The following FBXL2 variants were observed in gnomAD, a reference collection of about 807,000 sequenced individuals.
The protein encoded by FBXL2 is F-box and leucine rich repeat protein 2, also known as F-box/LRR-repeat protein 2.
In FBXL2, 38 loss-of-function variants were observed where a neutral mutation model predicts 69.2. That is an observed-to-expected ratio of 0.55 (90% CI 0.42 to 0.72). The LOEUF is 0.72. Among genes scored for constraint, FBXL2 ranks in the 30% least tolerant of loss-of-function variants. The probability of loss-of-function intolerance (pLI) is 0.00; values close to 1 mark genes in which losing one functional copy is unlikely to be tolerated. For synonymous variants in FBXL2, 192 were observed against 201.3 expected (o/e 0.95, Z 0.39); for missense variants, 354 against 520.3 (o/e 0.68, Z 3.11).
chr3:33,402,897 G>A (rs779017105), intron 12 of FBXL2: 12 of 1,608,064 alleles, frequency 7.5e-6, no homozygotes, highest in South Asian at 1.1e-5. Flanking sequence ...ATCGGGCCAC[G>A]GAGAACACTA....
the FBXL2 span, chr3:33,416,659 G>A: frequency 2.0e-5 from 18 of 914,722 alleles, no homozygotes; most frequent in Non-Finnish European, 3.3e-6. Context: ...TTAAAAAGTT[G>A]TAATACAACA....
At chr3:33,419,565 T>C in the FBXL2 span, among the ~76,000 whole-genome samples, 1 of 148,834 alleles carries the variant, frequency 6.7e-6, no homozygotes, top group Non-Finnish European at 1.5e-5. Context: ...GAGGCGGAGG[T>C]TGCGGTGAGC....
intron 2 of FBXL2, among the ~76,000 whole-genome samples, chr3:33,336,512 T>A (rs1361138352): frequency 6.6e-6 from 1 of 152,254 alleles, no homozygotes; most frequent in Non-Finnish European, 1.5e-5. Flanking sequence ...AATATCTTTA[T>A]AATCTCAGGG....
intron 2 of FBXL2, among the ~76,000 whole-genome samples, chr3:33,331,398 A>T (rs2039151200): frequency 6.6e-6 from 1 of 151,984 alleles, no homozygotes; most frequent in Non-Finnish European, 1.5e-5. Flanking sequence ...GAGAAAGGAG[A>T]TGAGGTCTTT....
At chr3:33,337,161 C>T (rs1489296944) in intron 2 of FBXL2, among the ~76,000 whole-genome samples, 5 of 152,018 alleles carry the variant, frequency 3.3e-5, no homozygotes, top group African/African-American at 9.7e-5. Context: ...GCCGAGATTG[C>T]GCCACTGCAC....
At chr3:33,338,292 A>G (rs1215434849) in intron 2 of FBXL2, among the ~76,000 whole-genome samples, 1 of 152,096 alleles carries the variant, frequency 6.6e-6, no homozygotes, top group Non-Finnish European at 1.5e-5. Context: ...GGCACCTGTA[A>G]TCTCAGCTAC....
intron 12 of FBXL2, among the ~76,000 whole-genome samples, chr3:33,395,703 CAT>C (rs1420968452): frequency 1.7e-5 from 2 of 116,778 alleles, no homozygotes; most frequent in Admixed American, 1.2e-4. Flanking sequence ...CACTGTTGCA[CAT>C]ATGTTATGCT....
chr3:33,308,010 GGTTT>G (rs1164203619), intron 2 of FBXL2, among the ~76,000 whole-genome samples: 2 of 152,006 alleles, frequency 1.3e-5, no homozygotes, highest in Middle Eastern at 3.4e-3. Flanking sequence ...ATCTTAGTAG[GGTTT>G]GTTTGTTTTT....
In FBXL2 at chr3:33,297,684, A is replaced by G. The variant is rs1251203504; in HGVS notation, c.24A>G (p.Glu8=). The change falls in exon 2 of 15, where the codon GAA becomes GAG. Residue 8 remains glutamate (E), a synonymous_variant. Coordinates refer to ENST00000484457, the MANE Select transcript of FBXL2 (RefSeq NM_012157.5). Reference sequence around the variant, plus strand: ...TCCAGGTTTTCTCAAACAATGATGAAGGCCTTATTAACAAAAAGTTACCCA... The same window carrying G: ...TCCAGGTTTTCTCAAACAATGATGAGGGCCTTATTAACAAAAAGTTACCCA... MVFSNND[E]GLINKKLPKE... is the part of the protein sequence containing the mutation. 2 of 1,576,046 alleles carry G rather than the reference A, an allele frequency of 1.3e-6. No individual in the cohort carries two copies. The highest frequency in any genetic ancestry group is 1.4e-5 in the African/African-American group (1 of 72,974).
intron 14 of FBXL2, 87 bp downstream of exon 14, chr3:33,384,288 C>T (rs931434892): frequency 6.3e-5 from 82 of 1,302,622 alleles, no homozygotes; most frequent in Non-Finnish European, 7.8e-5. Flanking sequence ...GCTAGGCACG[C>T]GGTGGCTCAC....
At chr3:33,290,724 A>G (rs1178696767) in intron 1 of FBXL2, among the ~76,000 whole-genome samples, 2 of 152,220 alleles carry the variant, frequency 1.3e-5, no homozygotes, top group Non-Finnish European at 2.9e-5. Flanking sequence ...ATTGTCTAGT[A>G]TATACCTGTA....
intron 2 of FBXL2, among the ~76,000 whole-genome samples, chr3:33,331,140 C>G (rs542030201): frequency 6.6e-6 from 1 of 151,650 alleles, no homozygotes; most frequent in East Asian, 1.9e-4. Context: ...AACCTATAGA[C>G]CAGACTATGT....
intron 2 of FBXL2, among the ~76,000 whole-genome samples, chr3:33,357,901 G>T (rs894591427): frequency 6.6e-6 from 1 of 152,122 alleles, no homozygotes; most frequent in Non-Finnish European, 1.5e-5. Flanking sequence ...ACTAGAAAAT[G>T]ATTGTAGCCT....
chr3:33,422,109 T>C, the FBXL2 span, among the ~76,000 whole-genome samples: 1 of 152,140 alleles, frequency 6.6e-6, no homozygotes, highest in Non-Finnish European at 1.5e-5. Context: ...GAAGATACTT[T>C]GCTAGTCTGG....
chr3:33,405,878 GCTTAAAACGCTTGTCTGACATC>G (rs571763261), downstream of FBXL2, among the ~76,000 whole-genome samples: 1 of 152,238 alleles, frequency 6.6e-6, no homozygotes, highest in South Asian at 2.1e-4. Context: ...GGCTACAGGG[GCTTAAAACGCTTGTCTGACATC>G]CATCAAAAGC....
intron 4 of FBXL2, among the ~76,000 whole-genome samples, chr3:33,363,791 C>A (rs1208227266): frequency 1.3e-5 from 2 of 152,050 alleles, no homozygotes; most frequent in African/African-American, 4.8e-5. Context: ...ATAATAGGTA[C>A]AAGAAATTGT....
chr3:33,380,214 ACT>A (rs764385141), intron 13 of FBXL2, among the ~76,000 whole-genome samples: 137 of 143,080 alleles, frequency 9.6e-4, no homozygotes, highest in Non-Finnish European at 1.7e-3. Flanking sequence ...ACAGAGTGAG[ACT>A]CTGTCTCAAA....
chr3:33,402,831 G>A, intron 12 of FBXL2: 1 of 1,605,474 alleles, frequency 6.2e-7, no homozygotes, highest in South Asian at 1.1e-5. Flanking sequence ...GCTCTGCTGT[G>A]GGGAGGTGAA....
At chr3:33,420,009 A>G in the FBXL2 span, among the ~76,000 whole-genome samples, 4 of 152,196 alleles carry the variant, frequency 2.6e-5, no homozygotes, top group Non-Finnish European at 4.4e-5. Flanking sequence ...GTTGAAAAAT[A>G]TAACTGTTGT....
Sources: gnomAD v4.1 joint callset for allele counts (sites outside exome capture counted in the v4.1 genomes callset) on GRCh38, gnomAD v4.1.1 for gene constraint, MANE v1.5 for transcripts, NCBI Gene and HGNC (gene_info 2026-07-23, HGNC 2026-07-21) for gene names.